Variants in KLHL29 observed in about 807,000 individuals in gnomAD.
The protein encoded by KLHL29 is kelch like family member 29.
Under a neutral mutation model 80.4 loss-of-function variants are expected in KLHL29, and 21 were observed. That is an observed-to-expected ratio of 0.26 (90% CI 0.19 to 0.38). The LOEUF (loss-of-function observed/expected upper bound fraction) is 0.38. KLHL29 is among the 10% of genes least tolerant of loss of function. KLHL29 has a pLI of 1.00. For missense variants in KLHL29, 867 were observed against 1,223.9 expected (o/e 0.71, Z 4.35); for synonymous variants, 511 against 526.8 (o/e 0.97, Z 0.41).
intron 1 of KLHL29, among the ~76,000 whole-genome samples, chr2:23,426,514 C>T (rs1299299234): frequency 6.6e-6 from 1 of 152,178 alleles, no homozygotes; most frequent in Non-Finnish European, 1.5e-5. Flanking sequence ...GCACCTGGTC[C>T]GCCTGCTACA....
intron 1 of KLHL29, among the ~76,000 whole-genome samples, chr2:23,441,470 A>G (rs534596902): frequency 5.9e-5 from 9 of 151,888 alleles, no homozygotes; most frequent in Admixed American, 4.6e-4. Flanking sequence ...CCTAAAACTT[A>G]AAGTATAATA....
At chr2:23,581,864 G>A (rs1344991756) in intron 3 of KLHL29, among the ~76,000 whole-genome samples, 1 of 150,986 alleles carries the variant, frequency 6.6e-6, no homozygotes, top group Non-Finnish European at 1.5e-5. Context: ...TTGAGGTTCA[G>A]GGTTCATTGT....
At chr2:23,592,725 T>G (rs1215726061) in intron 3 of KLHL29, among the ~76,000 whole-genome samples, 1 of 152,216 alleles carries the variant, frequency 6.6e-6, no homozygotes, top group African/African-American at 2.4e-5. Flanking sequence ...TGCAATGACC[T>G]TGCTCCTTCT....
intron 1 of KLHL29, among the ~76,000 whole-genome samples, chr2:23,388,306 C>T (rs1057381337): frequency 3.2e-4 from 49 of 152,130 alleles, no homozygotes; most frequent in African/African-American, 1.1e-3. Flanking sequence ...TATCTAGGAA[C>T]AAAATGGATA....
chr2:23,589,543 A>G (rs1287176318), intron 3 of KLHL29, among the ~76,000 whole-genome samples: 2 of 152,234 alleles, frequency 1.3e-5, no homozygotes, highest in African/African-American at 4.8e-5. Flanking sequence ...AGTCATTTGC[A>G]GGTTGCCTTT....
At chr2:23,703,609 CTTG>C in intron 12 of KLHL29, 107 bp from the exon 13 acceptor site, 1 of 1,332,826 alleles carries the variant, frequency 7.5e-7, no homozygotes, top group Non-Finnish European at 1.0e-6. Flanking sequence ...CAATCAGTCA[CTTG>C]TTGGAAGTCT....
At chr2:23,425,547 G>A (rs944301177) in intron 1 of KLHL29, among the ~76,000 whole-genome samples, 3 of 152,108 alleles carry the variant, frequency 2.0e-5, no homozygotes, top group Admixed American at 6.6e-5. Context: ...CGCAACGCTG[G>A]GCAGGTAGCA....
intron 2 of KLHL29, among the ~76,000 whole-genome samples, chr2:23,482,184 G>A (rs927454675): frequency 1.3e-5 from 2 of 152,226 alleles, no homozygotes; most frequent in Admixed American, 1.3e-4. Context: ...CACATGGGCA[G>A]TTTCTCTTAG....
At chr2:23,663,178 A>G (rs1670462468) in intron 5 of KLHL29, among the ~76,000 whole-genome samples, 1 of 152,226 alleles carries the variant, frequency 6.6e-6, no homozygotes, top group Non-Finnish European at 1.5e-5. Flanking sequence ...CTGAGGACGA[A>G]TGCTATGGAG....
At chr2:23,609,277 C>T (rs967783669) in intron 3 of KLHL29, among the ~76,000 whole-genome samples, 5 of 152,054 alleles carry the variant, frequency 3.3e-5, no homozygotes, top group African/African-American at 7.3e-5. Flanking sequence ...GTGTCTAAGT[C>T]GAGGACTATA....
chr2:23,535,828 C>T (rs1053506242), intron 2 of KLHL29, among the ~76,000 whole-genome samples: 5 of 152,044 alleles, frequency 3.3e-5, no homozygotes, highest in Non-Finnish European at 7.4e-5. Flanking sequence ...GGAGGTGGAT[C>T]GTGGTGATAG....
In KLHL29 at chr2:23,398,406, G is replaced by A. The variant is rs138674259; in HGVS notation, c.-154+12626G>A. On this transcript the variant is annotated intron_variant, in intron 1 of 13. Coordinates refer to ENST00000486442, the MANE Select transcript of KLHL29 (RefSeq NM_052920.2). ...ATTCCACTTATATGAGGTACCTAGA[G>A]TAGTATGGATTGGATTCACAGACAG... Among the ~76,000 whole-genome samples the A allele has an allele frequency of 2.0e-5, 3 of 152,382 alleles. No homozygotes were observed. In the East Asian group the frequency reaches 5.8e-4, roughly 29 times the overall value.
At chr2:23,404,870 G>A (rs963501390) in intron 1 of KLHL29, among the ~76,000 whole-genome samples, 1 of 152,074 alleles carries the variant, frequency 6.6e-6, no homozygotes, top group Non-Finnish European at 1.5e-5. Context: ...GTATATTGTC[G>A]ACCCCATCCA....
At chr2:23,520,988 G>T (rs1666077837) in intron 2 of KLHL29, among the ~76,000 whole-genome samples, 1 of 76,366 alleles carries the variant, frequency 1.3e-5, no homozygotes. Context: ...ATTTTACAAA[G>T]ACCACCCCCC....
chr2:23,688,650 C>T (rs1357733077), intron 6 of KLHL29: 1 of 151,944 alleles, frequency 6.6e-6, no homozygotes, highest in African/African-American at 2.4e-5. Flanking sequence ...TCTGACAGAC[C>T]CCATGGGGCC....
At chr2:23,531,513 C>G (rs538039393) in intron 2 of KLHL29, among the ~76,000 whole-genome samples, 1 of 152,208 alleles carries the variant, frequency 6.6e-6, no homozygotes, top group Non-Finnish European at 1.5e-5. Flanking sequence ...GCCGCCAGGA[C>G]GGAGCTGCTT....
chr2:23,641,502 C>T (rs1036770546), intron 4 of KLHL29, among the ~76,000 whole-genome samples: 1 of 152,248 alleles, frequency 6.6e-6, no homozygotes, highest in Non-Finnish European at 1.5e-5. Flanking sequence ...CTTCCCCTGC[C>T]TCCCTCAGAG....
intron 3 of KLHL29, among the ~76,000 whole-genome samples, chr2:23,605,429 G>T (rs955628116): frequency 3.9e-5 from 6 of 152,088 alleles, no homozygotes; most frequent in Non-Finnish European, 7.4e-5. Context: ...CTTCCACGCG[G>T]CTCTTGTATC....
chr2:23,611,903 T>C (rs1238886647), intron 3 of KLHL29, among the ~76,000 whole-genome samples: 1 of 148,610 alleles, frequency 6.7e-6, no homozygotes, highest in Non-Finnish European at 1.5e-5. Context: ...AAAAGGATTA[T>C]GAACTGAAAG....
Sources: gnomAD v4.1 joint callset for allele counts (sites outside exome capture counted in the v4.1 genomes callset) on GRCh38, gnomAD v4.1.1 for gene constraint, MANE v1.5 for transcripts, NCBI Gene and HGNC (gene_info 2026-07-23, HGNC 2026-07-21) for gene names.